Variants in FBXL2 observed in about 807,000 individuals in gnomAD.
FBXL2 encodes the protein F-box and leucine rich repeat protein 2, also known as F-box/LRR-repeat protein 2.
Under a neutral mutation model 69.2 loss-of-function variants are expected in FBXL2, and 38 were observed. The observed-to-expected ratio is 0.55, with a 90% CI of 0.42 to 0.72. The LOEUF (loss-of-function observed/expected upper bound fraction) is 0.72. FBXL2 is among the 30% of genes least tolerant of loss of function. FBXL2 has a pLI of 0.00. For missense variants in FBXL2, 354 were observed against 520.3 expected (o/e 0.68, Z 3.11); for synonymous variants, 192 against 201.3 (o/e 0.95, Z 0.39).
intron 2 of FBXL2, among the ~76,000 whole-genome samples, chr3:33,308,901 C>G (rs2036942623): frequency 6.6e-6 from 1 of 152,126 alleles, no homozygotes; most frequent in African/African-American, 2.4e-5. Context: ...CTTCTTTTTA[C>G]TGGTTTCTAG....
At chr3:33,349,575 C>A (rs2040689253) in intron 2 of FBXL2, among the ~76,000 whole-genome samples, 1 of 151,976 alleles carries the variant, frequency 6.6e-6, no homozygotes, top group South Asian at 2.1e-4. Flanking sequence ...TATTTTTGGT[C>A]TTGTCTGGTT....
At chr3:33,343,472 A>G (rs981840743) in intron 2 of FBXL2, among the ~76,000 whole-genome samples, 6 of 152,078 alleles carry the variant, frequency 3.9e-5, no homozygotes, top group Admixed American at 2.0e-4. Context: ...CTAATTTGGC[A>G]TTAATAATAA....
intron 2 of FBXL2, among the ~76,000 whole-genome samples, chr3:33,305,564 C>G (rs1210172886): frequency 6.6e-6 from 1 of 151,812 alleles, no homozygotes; most frequent in African/African-American, 2.4e-5. Context: ...ATATAAGCCT[C>G]AAAGAATTGA....
At chr3:33,406,631 A>G (rs774106741), downstream of FBXL2, among the ~76,000 whole-genome samples, 6 of 152,178 alleles carry the variant, frequency 3.9e-5, no homozygotes, top group Non-Finnish European at 8.8e-5. Flanking sequence ...ATAAATACCC[A>G]TTTTGCTTTT....
At chr3:33,337,196 C>G (rs1381249963) in intron 2 of FBXL2, among the ~76,000 whole-genome samples, 2 of 152,132 alleles carry the variant, frequency 1.3e-5, no homozygotes, top group East Asian at 3.8e-4. Flanking sequence ...CAGAGCAAGA[C>G]TCCGTCTCAA....
intron 2 of FBXL2, among the ~76,000 whole-genome samples, chr3:33,323,463 C>A (rs552289810): frequency 6.6e-6 from 1 of 152,278 alleles, no homozygotes; most frequent in Admixed American, 6.5e-5. Flanking sequence ...CTCCCCTTCC[C>A]CCCGACGCCC....
chr3:33,416,340 C>A, the FBXL2 span, among the ~76,000 whole-genome samples: 2 of 152,116 alleles, frequency 1.3e-5, no homozygotes, highest in Non-Finnish European at 2.9e-5. Context: ...GCCTCCTATA[C>A]CTAGGATGAC....
At chr3:33,309,026 G>A (rs1157303663) in intron 2 of FBXL2, among the ~76,000 whole-genome samples, 2 of 152,178 alleles carry the variant, frequency 1.3e-5, no homozygotes, top group African/African-American at 4.8e-5. Flanking sequence ...TTCTGTGTGT[G>A]CTTGAGAAGA....
chr3:33,366,094 T>A (rs2041936638), intron 5 of FBXL2, among the ~76,000 whole-genome samples: 1 of 152,228 alleles, frequency 6.6e-6, no homozygotes, highest in Non-Finnish European at 1.5e-5. Context: ...ATGATTTTCC[T>A]TAAATGAAGA....
intron 5 of FBXL2, 75 bp from the exon 6 acceptor site, chr3:33,373,017 C>A (rs1350980783): frequency 4.7e-5 from 59 of 1,246,292 alleles, no homozygotes; most frequent in Non-Finnish European, 5.9e-6. Context: ...CTGTTCTAAG[C>A]GTGAATGGTT....
At chr3:33,382,314 A>G (rs974853317) in intron 13 of FBXL2, among the ~76,000 whole-genome samples, 1 of 152,210 alleles carries the variant, frequency 6.6e-6, no homozygotes, top group African/African-American at 2.4e-5. Flanking sequence ...GTATAGATCA[A>G]TGCATTTCCA....
intron 1 of FBXL2, among the ~76,000 whole-genome samples, chr3:33,284,227 C>G (rs956619089): frequency 2.0e-5 from 3 of 152,286 alleles, no homozygotes; most frequent in African/African-American, 7.2e-5. Context: ...TTAAATGTGT[C>G]CCAGAGATTC....
chr3:33,316,378 G>A (rs1225205773), intron 2 of FBXL2, among the ~76,000 whole-genome samples: 4 of 152,034 alleles, frequency 2.6e-5, no homozygotes, highest in African/African-American at 4.8e-5. Flanking sequence ...AGCCTCCTGC[G>A]TAATGTTTTT....
At chr3:33,323,382 A>G (rs1163385710) in intron 2 of FBXL2, among the ~76,000 whole-genome samples, 1 of 152,158 alleles carries the variant, frequency 6.6e-6, no homozygotes, top group African/African-American at 2.4e-5. Context: ...ACATAGGTAT[A>G]CACATGCCAT....
chr3:33,312,591 A>T (rs1023296660), intron 2 of FBXL2, among the ~76,000 whole-genome samples: 1 of 152,206 alleles, frequency 6.6e-6, no homozygotes, highest in African/African-American at 2.4e-5. Context: ...TGGGAAGGCT[A>T]TCTGGCTTCC....
chr3:33,297,832 G>GAATTAGCCT (rs1559503236), intron 2 of FBXL2, 107 bp downstream of exon 2: 2 of 751,448 alleles, frequency 2.7e-6, no homozygotes, highest in East Asian at 5.1e-5. Flanking sequence ...AAAACAGACA[G>GAATTAGCCT]AATTAGCCTA....
At chr3:33,318,175 G>C (rs538021470) in intron 2 of FBXL2, among the ~76,000 whole-genome samples, 1 of 152,154 alleles carries the variant, frequency 6.6e-6, no homozygotes, top group African/African-American at 2.4e-5. Flanking sequence ...TCTATCTTGA[G>C]ACATCTGAAA....
intron 10 of FBXL2, among the ~76,000 whole-genome samples, chr3:33,376,220 C>A (rs2042632634): frequency 2.0e-5 from 3 of 151,588 alleles, no homozygotes; most frequent in Admixed American, 2.0e-4. Flanking sequence ...ATTATCATTA[C>A]CAGCTATGAA....
intron 1 of FBXL2, among the ~76,000 whole-genome samples, chr3:33,279,654 A>C (rs1237327063): frequency 2.6e-5 from 4 of 152,214 alleles, no homozygotes; most frequent in African/African-American, 9.6e-5. Flanking sequence ...GACTTGGCAC[A>C]TTAATTTTGG....
Sources: gnomAD v4.1 joint callset for allele counts (sites outside exome capture counted in the v4.1 genomes callset) on GRCh38, gnomAD v4.1.1 for gene constraint, MANE v1.5 for transcripts, NCBI Gene and HGNC (gene_info 2026-07-23, HGNC 2026-07-21) for gene names.